PNCK: variants seen among roughly 807,000 people sequenced by gnomAD.
The protein encoded by PNCK is pregnancy up-regulated nonubiquitous CaM kinase, also known as calcium/calmodulin-dependent protein kinase type 1B.
A neutral mutation model predicts 28.3 loss-of-function variants in PNCK; 21 were observed. That is an observed-to-expected ratio of 0.74 (90% CI 0.53 to 1.07). The LOEUF (loss-of-function observed/expected upper bound fraction) is 1.07. Among genes scored for constraint, PNCK ranks in the 50% least tolerant of loss-of-function variants. PNCK has a pLI of 0.00. For synonymous variants in PNCK, 136 were observed against 125.2 expected, an observed-to-expected ratio of 1.09 and a Z score of -0.58; for missense variants, 250 against 298.3, an observed-to-expected ratio of 0.84 and a Z score of 1.19.
intron 1 of PNCK, among the ~76,000 whole-genome samples, chrX:153,681,608 G>A (rs1409323399): frequency 1.8e-5 from 2 of 111,638 alleles, no homozygotes; most frequent in Non-Finnish European, 3.8e-5. Flanking sequence ...GAGACAGGAT[G>A]ACTAAATGCA....
At chrX:153,673,833 C>T (rs1188371145), upstream of PNCK, 7 of 751,537 alleles carry the variant, frequency 9.3e-6, no homozygotes, top group Non-Finnish European at 1.1e-5. Flanking sequence ...GCCAAGCCCC[C>T]CGCCCGCGCC....
chrX:153,685,213 G>T (rs1263939459), intron 1 of PNCK, among the ~76,000 whole-genome samples: 1 of 110,786 alleles, frequency 9.0e-6, no homozygotes, highest in African/African-American at 3.3e-5. Flanking sequence ...AGCAGCTGCT[G>T]CCCCCGGGCC....
chrX:153,674,255 T>G (rs1381450392), upstream of PNCK: 4 of 1,121,416 alleles, frequency 3.6e-6, no homozygotes, highest in Non-Finnish European at 4.7e-6. Context: ...TCCCTCTGGC[T>G]CCACCATTAA....
chrX:153,677,769 G>GTA (rs1217072683), upstream of PNCK, among the ~76,000 whole-genome samples: 11 of 103,257 alleles, frequency 1.1e-4, no homozygotes, highest in Non-Finnish European at 2.2e-4. Flanking sequence ...TATATAGTGT[G>GTA]TATATATATA....
intron 1 of PNCK, among the ~76,000 whole-genome samples, chrX:153,683,376 G>A (rs1371116331): frequency 9.1e-6 from 1 of 110,247 alleles, no homozygotes; most frequent in Non-Finnish European, 1.9e-5. Context: ...TCCTGACCTC[G>A]TGATCCACCC....
Position 153,671,670 on chromosome X carries a change from G to C in PNCK, c.417C>G (p.Pro139=). The C allele has an allele frequency of 1.7e-6, 2 of 1,185,651 alleles. No individual in the cohort carries two copies. Among genetic ancestry groups the C allele is most frequent in the Non-Finnish European group, 2.3e-6 (2 of 881,168 alleles). ...SLGIVHRDLK[P]ENLLYATPFE... is the part of the protein sequence containing the mutation. The stretch of plus-strand genomic sequence containing the variant: ...AGGGCGTGGCATACAGGAGGTTTTC[G>C]GGCTGTGACACACGGACACCGGGAA... The change falls in exon 6 of 12, where the codon CCC becomes CCG. Residue 139 remains proline (P), a splice_region_variant and synonymous_variant. Transcript: ENST00000340888.
intron 1 of PNCK, among the ~76,000 whole-genome samples, chrX:153,685,672 C>T (rs1241090403): frequency 8.9e-6 from 1 of 112,890 alleles, no homozygotes; most frequent in African/African-American, 3.2e-5. Flanking sequence ...CCATCACACT[C>T]CATCTCGTAG....
chrX:153,670,324 T>C, intron 11 of PNCK, 126 bp downstream of exon 11: 1 of 991,267 alleles, frequency 1.0e-6, no homozygotes, highest in Non-Finnish European at 1.4e-6. Context: ...CTCCCTCTGC[T>C]CTCTGCCTTC....
intron 7 of PNCK, 32 bp from the exon 8 acceptor site, chrX:153,671,222 C>T: frequency 8.3e-7 from 1 of 1,209,977 alleles, no homozygotes; most frequent in Non-Finnish European, 1.1e-6. Context: ...TCCAGCTGTC[C>T]CACCCTCCCC....
At chrX:153,683,795 G>A (rs781981125) in intron 1 of PNCK, among the ~76,000 whole-genome samples, 2 of 111,707 alleles carry the variant, frequency 1.8e-5, no homozygotes, top group Non-Finnish European at 3.8e-5. Flanking sequence ...GCTGAGCTGA[G>A]TCTGCTTTTA....
At chrX:153,674,238 A>C (rs782247921), upstream of PNCK, 3 of 1,149,361 alleles carry the variant, frequency 2.6e-6, no homozygotes, top group East Asian at 9.2e-5. Flanking sequence ...CCCGGCACTC[A>C]CTGGGCTCCC....
At chrX:153,674,333 T>G, upstream of PNCK, 1 of 726,629 alleles carries the variant, frequency 1.4e-6, no homozygotes, top group East Asian at 3.7e-5. Flanking sequence ...CATGTCACCC[T>G]CCTGCAGCTC....
At chrX:153,685,361 C>G (rs1363553299) in intron 1 of PNCK, among the ~76,000 whole-genome samples, 2 of 111,326 alleles carry the variant, frequency 1.8e-5, no homozygotes, top group Non-Finnish European at 3.8e-5. Context: ...CTCAGAAGAC[C>G]CTGTCACTGG....
upstream of PNCK, chrX:153,674,133 G>A (rs782694414): frequency 1.7e-6 from 2 of 1,208,472 alleles, no homozygotes; most frequent in East Asian, 3.0e-5. Flanking sequence ...CCGCCTCTCC[G>A]AGGACAGGCT....
chrX:153,683,935 T>C (rs2091406016), intron 1 of PNCK, among the ~76,000 whole-genome samples: 2 of 112,180 alleles, frequency 1.8e-5, no homozygotes, highest in Non-Finnish European at 3.8e-5. Context: ...TGACATTATC[T>C]ACAGGAGTAA....
intron 1 of PNCK, among the ~76,000 whole-genome samples, chrX:153,685,224 G>C (rs920354521): frequency 9.0e-6 from 1 of 110,816 alleles, no homozygotes; most frequent in South Asian, 3.8e-4. Context: ...CCCCCGGGCC[G>C]AGCCTGACGC....
Position 153,670,465 on chromosome X carries a change from TGGG to T in PNCK, c.1021_1023del (p.Pro341del). 2.0e-5 allele frequency: 24 copies of T among 1,211,078 alleles called. No individual in the cohort carries two copies. The highest frequency in any genetic ancestry group is 2.6e-5 in the Non-Finnish European group (23 of 895,314). On this transcript the variant is annotated inframe_deletion, in exon 11 of 12. Coordinates refer to ENST00000340888, the MANE Select transcript of PNCK (RefSeq NM_001366977.1). ...CCAAACACACCTGGGCATCACCACT[TGGG>T]GGGCTGGCCAGCACGGAGGCCTGAG...
upstream of PNCK, among the ~76,000 whole-genome samples, chrX:153,679,337 A>G (rs2091384018): frequency 9.2e-6 from 1 of 108,723 alleles, no homozygotes; most frequent in African/African-American, 3.3e-5. Context: ...CCTCGCCAGC[A>G]TTAGGAGTTG....
chrX:153,678,980 CCT>C (rs1557042115), upstream of PNCK, among the ~76,000 whole-genome samples: 3 of 111,156 alleles, frequency 2.7e-5, no homozygotes, highest in East Asian at 8.3e-4. Context: ...ATAGCTTTCC[CCT>C]CTTTATCACT....
Sources: gnomAD v4.1 joint callset for allele counts (sites outside exome capture counted in the v4.1 genomes callset) on GRCh38, gnomAD v4.1.1 for gene constraint, MANE v1.5 for transcripts, NCBI Gene and HGNC (gene_info 2026-07-23, HGNC 2026-07-21) for gene names.